The following PITPNA variants were observed in gnomAD, a reference collection of about 807,000 sequenced individuals.
PITPNA encodes phosphatidylinositol transfer protein alpha isoform.
Under a neutral mutation model 50.3 loss-of-function variants are expected in PITPNA, and 13 were observed. The ratio of observed to expected loss-of-function variants is 0.26; its 90% CI spans 0.17 to 0.41. PITPNA has a LOEUF of 0.41. PITPNA is among the 10% of genes least tolerant of loss of function. The pLI, the probability that PITPNA is intolerant of heterozygous loss-of-function variation, is 1.00. For synonymous variants in PITPNA, 120 were observed against 119.6 expected, an observed-to-expected ratio of 1.00 and a Z score of -0.02; for missense variants, 207 against 333.4, an observed-to-expected ratio of 0.62 and a Z score of 2.95.
intron 10 of PITPNA, among the ~76,000 whole-genome samples, chr17:1,525,504 CTTTT>C (rs11329480): frequency 8.8e-5 from 9 of 101,704 alleles, no homozygotes; most frequent in Non-Finnish European, 1.3e-4. Context: ...CACTGGGAAA[CTTTT>C]TTTTTTTTTT....
At chr17:1,554,325 A>G (rs916914234) in intron 2 of PITPNA, among the ~76,000 whole-genome samples, 2 of 151,580 alleles carry the variant, frequency 1.3e-5, no homozygotes, top group African/African-American at 4.9e-5. Context: ...AGGGGGACAA[A>G]GGGTTTCCTC....
At chr17:1,525,504 C>CTTTTTT (rs11329480) in intron 10 of PITPNA, among the ~76,000 whole-genome samples, 20 of 101,718 alleles carry the variant, frequency 2.0e-4, no homozygotes, top group East Asian at 2.9e-4. Flanking sequence ...CACTGGGAAA[C>CTTTTTT]TTTTTTTTTT....
chr17:1,548,569 C>T (rs992261779), intron 3 of PITPNA, among the ~76,000 whole-genome samples, 182 bp from the exon 4 acceptor site: 1 of 152,104 alleles, frequency 6.6e-6, no homozygotes, highest in Non-Finnish European at 1.5e-5. Flanking sequence ...TGGCTCCTAA[C>T]ACACACCCAC....
At chr17:1,554,558 G>A (rs1339292750) in intron 2 of PITPNA, among the ~76,000 whole-genome samples, 1 of 151,906 alleles carries the variant, frequency 6.6e-6, no homozygotes, top group Non-Finnish European at 1.5e-5. Context: ...CTCTCTTTGA[G>A]ATTAAAACAG....
In PITPNA at chr17:1,535,537, T is replaced by C; in HGVS notation, c.457-19A>G. On this transcript the variant is annotated intron_variant, in intron 7 of 11. Coordinates refer to ENST00000313486, the MANE Select transcript of PITPNA (RefSeq NM_006224.4). ...TGTAATCCTGAGAGAAATTGTGGAATTGGGGTTGGAGGGGAGTGGGAGAGG... is the reference window on the plus strand; with the variant it reads ...TGTAATCCTGAGAGAAATTGTGGAACTGGGGTTGGAGGGGAGTGGGAGAGG... 1 of 1,576,066 alleles carries C rather than the reference T, an allele frequency of 6.3e-7. No individual in the cohort carries two copies. Among genetic ancestry groups the C allele is most frequent in the Non-Finnish European group, 8.7e-7 (1 of 1,145,430 alleles).
At chr17:1,555,354 C>G (rs117349800) in intron 2 of PITPNA, among the ~76,000 whole-genome samples, 1 of 152,270 alleles carries the variant, frequency 6.6e-6, no homozygotes, top group Non-Finnish European at 1.5e-5. Flanking sequence ...AAGGGGTAAG[C>G]AAGACTGGCC....
In PITPNA at chr17:1,562,654, G is replaced by T; in HGVS notation, c.-94C>A. The T allele has an allele frequency of 3.3e-6, 3 of 900,954 alleles. No homozygotes were observed. The highest frequency in any genetic ancestry group is 4.2e-6 in the Non-Finnish European group (3 of 712,566). The allele number at this position is 900,954 out of a possible 1,614,324, so 55.8% of individuals were successfully genotyped here. A position where few individuals can be genotyped will look rare whatever the true frequency, so the allele number is the denominator to read the frequency against. On this transcript the variant is annotated 5_prime_UTR_variant, in exon 1 of 12. Transcript: ENST00000313486. This position sits in a 1 kb window ranked among gnomAD's most constrained non-coding sequence, Gnocchi z 6.4. ...CCCCGTGGCCCGGCCCGGCCCGGCT[G>T]CCTGTGCGTCTTCGTCGTGCTCTGC...
intron 2 of PITPNA, among the ~76,000 whole-genome samples, chr17:1,557,661 C>T (rs2075742162): frequency 6.6e-6 from 1 of 152,202 alleles, no homozygotes; most frequent in South Asian, 2.1e-4. Context: ...TATGAACCTT[C>T]TTACAGCAAA....
At chr17:1,543,091 G>T (rs1036348457) in intron 4 of PITPNA, 64 bp from the exon 5 acceptor site, 2 of 1,295,392 alleles carry the variant, frequency 1.5e-6, no homozygotes, top group African/African-American at 1.5e-5. Context: ...AGAAATATCT[G>T]CCCCCCACCC....
chr17:1,533,159 G>A (rs2075594551), intron 10 of PITPNA, among the ~76,000 whole-genome samples: 2 of 152,240 alleles, frequency 1.3e-5, no homozygotes. Flanking sequence ...AGGGAGAAGT[G>A]ATGGCAGTTC....
intron 2 of PITPNA, 26 bp downstream of exon 2, chr17:1,558,503 A>G: frequency 1.3e-6 from 2 of 1,524,474 alleles, no homozygotes; most frequent in Non-Finnish European, 1.8e-6. Context: ...ACACACAACT[A>G]TGGACCAGAA....
chr17:1,551,658 T>G (rs1313975482), intron 3 of PITPNA, among the ~76,000 whole-genome samples: 7 of 152,212 alleles, frequency 4.6e-5, no homozygotes, highest in Non-Finnish European at 8.8e-5. Flanking sequence ...AACTTAGTCT[T>G]GAGGAAACAA....
At chr17:1,559,986 G>A (rs565393729) in intron 1 of PITPNA, among the ~76,000 whole-genome samples, 1 of 152,270 alleles carries the variant, frequency 6.6e-6, no homozygotes, top group East Asian at 1.9e-4. Context: ...AAACTTCCTA[G>A]AAAACAATAA....
intron 1 of PITPNA, chr17:1,559,593 T>A (rs1421918151): frequency 6.0e-6 from 1 of 167,354 alleles, no homozygotes; most frequent in East Asian, 1.9e-4. Flanking sequence ...GTGTCTTGCA[T>A]GTTTAGTGAA....
At chr17:1,560,737 C>G (rs1420336142) in intron 1 of PITPNA, among the ~76,000 whole-genome samples, 1 of 152,214 alleles carries the variant, frequency 6.6e-6, no homozygotes, top group Non-Finnish European at 1.5e-5. Context: ...AAGTGCACCA[C>G]GTTCTCCTGT....
At chr17:1,559,740 C>T (rs1423709840) in intron 1 of PITPNA, 3 of 982,654 alleles carry the variant, frequency 3.1e-6, no homozygotes, top group Non-Finnish European at 3.6e-6. Context: ...ACAGAGGGGT[C>T]TGAGGAAAAC....
intron 10 of PITPNA, among the ~76,000 whole-genome samples, chr17:1,527,228 T>C (rs1010738144): frequency 2.0e-5 from 3 of 151,810 alleles, no homozygotes; most frequent in Non-Finnish European, 2.9e-5. Context: ...AATAGGAAAA[T>C]AGAAACTTCA....
At chr17:1,527,493 C>T (rs1217601521) in intron 10 of PITPNA, among the ~76,000 whole-genome samples, 1 of 152,146 alleles carries the variant, frequency 6.6e-6, no homozygotes, top group Non-Finnish European at 1.5e-5. Flanking sequence ...CCACCCGCCT[C>T]GGCCTCCCAA....
rs2075474729 is a variant in PITPNA at position 1,517,886 on chromosome 17, G to C, written c.*2675C>G. The stretch of plus-strand genomic sequence containing the variant: ...TGCAAAAATTTTCAGACACACCTTT[G>C]TACCTCTTCCTAATCCTGCCCTGGT... On this transcript the variant is annotated 3_prime_UTR_variant, in exon 12 of 12. Transcript: ENST00000313486. 6.6e-6 allele frequency: 1 copy of C among 152,514 alleles called. No homozygotes were observed. The highest frequency in any genetic ancestry group is 2.1e-4 in the South Asian group (1 of 4,826). The allele number at this position is 152,514 out of a possible 1,614,324, so 9.4% of individuals were successfully genotyped here.
Sources: gnomAD v4.1 joint callset for allele counts (sites outside exome capture counted in the v4.1 genomes callset) on GRCh38, gnomAD v4.1.1 for gene constraint, Gnocchi (gnomAD v3.1) non-coding constraint, MANE v1.5 for transcripts, NCBI Gene and HGNC (gene_info 2026-07-23, HGNC 2026-07-21) for gene names.